Variants in NRG3 observed in about 807,000 individuals in gnomAD.
The protein encoded by NRG3 is pro-neuregulin-3, membrane-bound isoform.
NRG3 carries 31 observed loss-of-function variants against 66.9 expected under a neutral mutation model. The ratio of observed to expected loss-of-function variants is 0.46; its 90% confidence interval spans 0.35 to 0.63. The LOEUF (loss-of-function observed/expected upper bound fraction) is 0.63, where lower values mean the gene tolerates loss of function less well. Ranked by LOEUF, NRG3 falls within the 20% of genes least tolerant of loss-of-function variation. The pLI, the probability that NRG3 is intolerant of heterozygous loss-of-function variation, is 0.00. For missense variants in NRG3, 910 were observed against 878.9 expected, an observed-to-expected ratio of 1.04 and a Z score of -0.45; for synonymous variants, 393 against 359.4, an observed-to-expected ratio of 1.09 and a Z score of -1.06.
chr10:81,895,539 G>A (rs2132602348), intron 1 of NRG3, among the ~76,000 whole-genome samples: 1 of 152,200 alleles, frequency 6.6e-6, no homozygotes, highest in African/African-American at 2.4e-5. Flanking sequence ...ATCTTAATTA[G>A]GTTGAAAATC....
At chr10:82,978,543 A>G (rs1852521889) in intron 7 of NRG3, among the ~76,000 whole-genome samples, 1 of 152,202 alleles carries the variant, frequency 6.6e-6, no homozygotes, top group Admixed American at 6.5e-5. Flanking sequence ...TACTGTGTTC[A>G]GTTTTTGTCA....
intron 1 of NRG3, among the ~76,000 whole-genome samples, chr10:82,102,133 CATATATATAT>C (rs369498870): frequency 0.17 from 4,487 of 26,150 alleles, 274 homozygotes; most frequent in East Asian, 0.22. Context: ...TATGTGTATT[CATATATATAT>C]ATATATATAT....
At chr10:81,948,422 A>G (rs1849038473) in intron 1 of NRG3, among the ~76,000 whole-genome samples, 1 of 152,154 alleles carries the variant, frequency 6.6e-6, no homozygotes. Flanking sequence ...GAGATTATAC[A>G]CTTTCTCTCT....
At chr10:82,515,130 A>G (rs1472083768) in intron 2 of NRG3, among the ~76,000 whole-genome samples, 1 of 152,158 alleles carries the variant, frequency 6.6e-6, no homozygotes, top group Middle Eastern at 3.2e-3. Flanking sequence ...TGGTATCTCA[A>G]TGTGATTTTA....
At chr10:82,696,059 C>T (rs2134243138) in intron 2 of NRG3, among the ~76,000 whole-genome samples, 1 of 152,266 alleles carries the variant, frequency 6.6e-6, no homozygotes, top group East Asian at 1.9e-4. Flanking sequence ...CATTCTTTGC[C>T]TCTCCTAAGT....
chr10:82,340,381 CAT>C (rs2135383630), intron 1 of NRG3, among the ~76,000 whole-genome samples: 1 of 152,310 alleles, frequency 6.6e-6, no homozygotes, highest in South Asian at 2.1e-4. Flanking sequence ...TGACACTTGA[CAT>C]AGTTAGCCAA....
At chr10:82,105,852 C>T (rs2067028544) in intron 1 of NRG3, among the ~76,000 whole-genome samples, 2 of 152,114 alleles carry the variant, frequency 1.3e-5, no homozygotes, top group South Asian at 2.1e-4. Flanking sequence ...AGAATTTCCA[C>T]GAATACTGCA....
rs528719259 is a variant in NRG3 at position 82,367,460 on chromosome 10, T to C, written c.953+8592T>C. Among the ~76,000 whole-genome samples, 12 of 152,272 alleles carry C rather than the reference T, an allele frequency of 7.9e-5. No homozygotes were observed. In the East Asian group the frequency reaches 2.1e-3, roughly 27 times the overall value. ...CACTTAGAACTTTATCAAACTTTCTTTGTACTAGTCTGATTATTTAAAGAA... is the reference window on the plus strand; with the variant it reads ...CACTTAGAACTTTATCAAACTTTCTCTGTACTAGTCTGATTATTTAAAGAA... On this transcript the variant is annotated intron_variant, in intron 2 of 8. Coordinates refer to ENST00000372141, the MANE Select transcript of NRG3 (RefSeq NM_001010848.4).
At chr10:82,092,046 T>C (rs959594123) in intron 1 of NRG3, among the ~76,000 whole-genome samples, 1 of 152,200 alleles carries the variant, frequency 6.6e-6, no homozygotes, top group African/African-American at 2.4e-5. Context: ...ATTATTACTA[T>C]AGTTAACATT....
chr10:82,568,586 A>G (rs1170371064), intron 2 of NRG3, among the ~76,000 whole-genome samples: 1 of 151,774 alleles, frequency 6.6e-6, no homozygotes, highest in Non-Finnish European at 1.5e-5. Context: ...CCATCATTAA[A>G]AGAGTAGAGA....
intron 1 of NRG3, among the ~76,000 whole-genome samples, chr10:82,329,437 G>GTTTT (rs529385530): frequency 1.8e-5 from 2 of 113,040 alleles, no homozygotes; most frequent in Admixed American, 9.0e-5. Context: ...TTCCTTCTTG[G>GTTTT]TTTTTTTTTT....
At chr10:82,731,401 T>C (rs117710559) in intron 2 of NRG3, among the ~76,000 whole-genome samples, 3,058 of 151,126 alleles carry the variant, frequency 0.02, 52 homozygotes, top group Middle Eastern at 0.031. Context: ...ATGTCATTAG[T>C]CTTTGACCAA....
chr10:81,887,050 A>T (rs956856498), intron 1 of NRG3, among the ~76,000 whole-genome samples: 2 of 152,118 alleles, frequency 1.3e-5, no homozygotes, highest in Non-Finnish European at 2.9e-5. Flanking sequence ...TGAAAAATGT[A>T]AAGAATATAC....
chr10:82,959,002 G>C lies in NRG3; in HGVS notation c.1211G>C (p.Ser404Thr). The C allele has an allele frequency of 6.2e-7, 1 of 1,607,732 alleles. No individual in the cohort carries two copies. Among genetic ancestry groups the C allele is most frequent in the Non-Finnish European group, 8.5e-7 (1 of 1,178,300 alleles). The part of the protein sequence containing the change: ...EQLKVPQNGK[S>T]YSLKASSTMA... Reference sequence around the variant, plus strand: ...CTGAAAGTGCCACAAAATGGTAAAAGCTACAGTCTCAAAGCATCCAGCACA... The same window carrying C: ...CTGAAAGTGCCACAAAATGGTAAAACCTACAGTCTCAAAGCATCCAGCACA... Residue 404 changes from serine to threonine, a missense_variant, in exon 6 of 9, where the codon AGC (serine) becomes ACC (threonine). Coordinates refer to ENST00000372141, the MANE Select transcript of NRG3 (RefSeq NM_001010848.4).
At chr10:81,878,979 T>C (rs1841940273) in intron 1 of NRG3, among the ~76,000 whole-genome samples, 1 of 152,150 alleles carries the variant, frequency 6.6e-6, no homozygotes, top group South Asian at 2.1e-4. Context: ...GCAAAAGCTG[T>C]TTTTGCTATG....
intron 1 of NRG3, among the ~76,000 whole-genome samples, chr10:82,001,875 T>C (rs2061184658): frequency 6.6e-6 from 1 of 152,186 alleles, no homozygotes; most frequent in African/African-American, 2.4e-5. Context: ...TGGGACCTAA[T>C]AAAGTTTCCT....
chr10:82,071,928 C>A (rs1338371375), intron 1 of NRG3, among the ~76,000 whole-genome samples: 1 of 152,088 alleles, frequency 6.6e-6, no homozygotes, highest in Non-Finnish European at 1.5e-5. Flanking sequence ...TTTTAATAAG[C>A]AATATGTTTA....
At chr10:81,904,257 G>A (rs533633792) in intron 1 of NRG3, among the ~76,000 whole-genome samples, 2 of 151,860 alleles carry the variant, frequency 1.3e-5, no homozygotes, top group African/African-American at 2.4e-5. Flanking sequence ...TCATCTGCCC[G>A]CCTCAGCCTC....
chr10:82,652,228 G>A (rs576866738), intron 2 of NRG3, among the ~76,000 whole-genome samples: 15 of 152,164 alleles, frequency 9.9e-5, no homozygotes, highest in South Asian at 2.1e-4. Flanking sequence ...CCATGAAGCC[G>A]CAGAGGCAGC....
Sources: allele counts gnomAD v4.1 joint callset (sites outside exome capture counted in the v4.1 genomes callset), GRCh38; gene constraint gnomAD v4.1.1; transcripts MANE v1.5; gene names NCBI Gene and HGNC (gene_info 2026-07-23, HGNC 2026-07-21).